The following DPYD variants were observed in gnomAD, a reference collection of about 807,000 sequenced individuals.
DPYD encodes the protein dihydropyrimidine dehydrogenase.
In DPYD, 109 loss-of-function variants were observed where a neutral mutation model predicts 116.2. That is an observed-to-expected ratio of 0.94 (90% confidence interval 0.80 to 1.10). The LOEUF is 1.10. DPYD is among the 50% of genes least tolerant of loss of function. DPYD has a pLI of 0.00. For missense variants in DPYD, 1,302 were observed against 1,254.5 expected (o/e 1.04, Z -0.57); for synonymous variants, 440 against 432.0 (o/e 1.02, Z -0.23).
intron 16 of DPYD, among the ~76,000 whole-genome samples, chr1:97,318,931 T>G (rs1180408454): frequency 7.2e-6 from 1 of 138,542 alleles, no homozygotes; most frequent in African/African-American, 2.7e-5. Context: ...AGAATCTCAC[T>G]CAAAGCCGCT....
chr1:97,852,368 C>T (rs1044750964), intron 2 of DPYD, among the ~76,000 whole-genome samples: 2 of 152,026 alleles, frequency 1.3e-5, no homozygotes, highest in Admixed American at 6.6e-5. Context: ...ATATTACTTT[C>T]ATCCTCATTT....
intron 14 of DPYD, among the ~76,000 whole-genome samples, chr1:97,438,592 A>C (rs1675592909): frequency 6.6e-6 from 1 of 152,024 alleles, no homozygotes. Context: ...TGATTACCTA[A>C]AGTATTCTGA....
intron 16 of DPYD, among the ~76,000 whole-genome samples, chr1:97,320,239 C>A (rs1369227568): frequency 7.0e-6 from 1 of 142,674 alleles, no homozygotes; most frequent in Non-Finnish European, 1.5e-5. Flanking sequence ...CCAGGGCAAT[C>A]AGGCAGGAGA....
intron 13 of DPYD, among the ~76,000 whole-genome samples, chr1:97,508,825 T>C (rs1392720129): frequency 3.9e-5 from 6 of 151,966 alleles, no homozygotes; most frequent in African/African-American, 7.2e-5. Context: ...GATCTGGTCT[T>C]GTGATGTGCC....
chr1:97,287,686 C>A (rs1004559737), intron 18 of DPYD, among the ~76,000 whole-genome samples: 2 of 152,148 alleles, frequency 1.3e-5, no homozygotes, highest in Admixed American at 1.3e-4. Context: ...TCTCAGACTG[C>A]TGTGCTAGCC....
chr1:97,786,091 A>G (rs1231828706), intron 3 of DPYD, among the ~76,000 whole-genome samples: 1 of 151,884 alleles, frequency 6.6e-6, no homozygotes, highest in Non-Finnish European at 1.5e-5. Flanking sequence ...AAAAAAAGAA[A>G]GAAAAGGGAT....
At chr1:97,920,843 AC>A in intron 1 of DPYD, 40 bp downstream of exon 1, 1 of 1,569,684 alleles carries the variant, frequency 6.4e-7, no homozygotes, top group South Asian at 1.2e-5. Flanking sequence ...AGCACTCCCC[AC>A]CACCCCGCCA....
chr1:97,782,948 T>C (rs1666834045), intron 3 of DPYD, among the ~76,000 whole-genome samples: 1 of 152,060 alleles, frequency 6.6e-6, no homozygotes, highest in Non-Finnish European at 1.5e-5. Context: ...GAAGGCACAG[T>C]CCTAGGGGAA....
chr1:97,710,275 A>G (rs1388719059), intron 5 of DPYD, among the ~76,000 whole-genome samples: 1 of 151,878 alleles, frequency 6.6e-6, no homozygotes, highest in East Asian at 1.9e-4. Context: ...AAGTTTCCTG[A>G]AATTACATAC....
intron 5 of DPYD, chr1:97,719,826 A>G: frequency 2.0e-6 from 2 of 984,670 alleles, no homozygotes; most frequent in Non-Finnish European, 2.4e-6. Context: ...ACAAACTATA[A>G]TTGGAATGAA....
intron 13 of DPYD, among the ~76,000 whole-genome samples, chr1:97,511,461 C>T (rs865985398): frequency 1.5e-4 from 23 of 151,958 alleles, no homozygotes; most frequent in African/African-American, 5.3e-4. Context: ...CACTGCTTCT[C>T]CATATTTGTT....
intron 13 of DPYD, among the ~76,000 whole-genome samples, chr1:97,487,281 T>A (rs527540944): frequency 2.6e-5 from 4 of 152,006 alleles, no homozygotes; most frequent in Non-Finnish European, 5.9e-5. Flanking sequence ...TTAAAAAAAA[T>A]ATGGAGAAAG....
intron 6 of DPYD, among the ~76,000 whole-genome samples, chr1:97,698,884 T>C (rs1264274795): frequency 6.6e-6 from 1 of 151,964 alleles, no homozygotes; most frequent in Non-Finnish European, 1.5e-5. Flanking sequence ...TTCTAGTACA[T>C]GCTGACAAAA....
At chr1:97,209,791 T>C (rs966664633) in intron 19 of DPYD, among the ~76,000 whole-genome samples, 2 of 152,174 alleles carry the variant, frequency 1.3e-5, no homozygotes, top group African/African-American at 4.8e-5. Flanking sequence ...GGTCTATCAC[T>C]GTGGGATTAA....
At chr1:97,605,947 T>G (rs75260359) in intron 8 of DPYD, among the ~76,000 whole-genome samples, 1 of 152,116 alleles carries the variant, frequency 6.6e-6, no homozygotes, top group South Asian at 2.1e-4. Context: ...ATGAAAACTA[T>G]GGACACTTTA....
At chr1:97,304,427 T>C (rs2101032743) in intron 18 of DPYD, among the ~76,000 whole-genome samples, 1 of 152,102 alleles carries the variant, frequency 6.6e-6, no homozygotes, top group East Asian at 1.9e-4. Context: ...TCTTCATGGC[T>C]CACAGGCATA....
chr1:97,141,732 C>G (rs1261580044), intron 20 of DPYD, among the ~76,000 whole-genome samples: 1 of 151,998 alleles, frequency 6.6e-6, no homozygotes, highest in African/African-American at 2.4e-5. Context: ...ATGGATAAAT[C>G]CCAAGTGTCT....
intron 20 of DPYD, among the ~76,000 whole-genome samples, chr1:97,104,336 T>C (rs1047915411): frequency 1.3e-5 from 2 of 152,104 alleles, no homozygotes; most frequent in African/African-American, 4.8e-5. Flanking sequence ...ATAAATAGGT[T>C]TTCAAATATG....
chr1:97,904,763 T>C (rs1379168085), intron 1 of DPYD, among the ~76,000 whole-genome samples: 1 of 152,040 alleles, frequency 6.6e-6, no homozygotes, highest in African/African-American at 2.4e-5. Context: ...TTGTGAAATA[T>C]ATATGTTAAT....
Sources: allele counts gnomAD v4.1 joint callset (sites outside exome capture counted in the v4.1 genomes callset), GRCh38; gene constraint gnomAD v4.1.1; transcripts MANE v1.5; gene names NCBI Gene and HGNC (gene_info 2026-07-23, HGNC 2026-07-21).